Variants in TAC3 observed in about 807,000 individuals in gnomAD.
TAC3 encodes tachykinin precursor 3.
A neutral mutation model predicts 16.5 loss-of-function variants in TAC3; 9 were observed. The ratio of observed to expected loss-of-function variants is 0.55; its 90% CI spans 0.33 to 0.95. The LOEUF (loss-of-function observed/expected upper bound fraction) is 0.95, where lower values mean the gene tolerates loss of function less well. TAC3 is among the 40% of genes least tolerant of loss of function. The pLI, the probability that TAC3 is intolerant of heterozygous loss-of-function variation, is 0.03. For missense variants in TAC3, 129 were observed against 149.1 expected (o/e 0.87, Z 0.70); for synonymous variants, 52 against 56.7 (o/e 0.92, Z 0.37).
chr12:57,011,794 C>T (rs891389812), intron 6 of TAC3, among the ~76,000 whole-genome samples: 1 of 152,168 alleles, frequency 6.6e-6, no homozygotes, highest in African/African-American at 2.4e-5. Context: ...GTGGCAGATC[C>T]AGGATTCACA....
intron 5 of TAC3, 43 bp from the exon 6 acceptor site, chr12:57,012,495 A>G (rs1387320862): frequency 3.1e-6 from 5 of 1,611,162 alleles, no homozygotes; most frequent in Non-Finnish European, 4.2e-6. Context: ...ATCTTTCTGA[A>G]TGTGAACTAC....
At chr12:57,012,691 G>T (rs1247984300) in intron 5 of TAC3, 131 bp downstream of exon 5, 1 of 1,612,850 alleles carries the variant, frequency 6.2e-7, no homozygotes, top group Non-Finnish European at 8.5e-7. Flanking sequence ...TGGGATGAAG[G>T]GGCCGAGGAA....
Position 57,010,108 on chromosome 12 carries a change from T to C in TAC3, c.*182A>G, listed in dbSNP as rs926264926. On this transcript the variant is annotated 3_prime_UTR_variant, in exon 7 of 7. Transcript: ENST00000458521. ...ATTCTACAGTCAATGCCCATTGGGG[T>C]TGGGGATATTCACTATGCAGTTTCC... The C allele has an allele frequency of 2.0e-5, 9 of 453,806 alleles. No homozygotes were observed. In the Admixed American group the frequency reaches 2.1e-4, roughly 11 times the overall value. The allele number at this position is 453,806 out of a possible 1,614,324, so 28.1% of individuals were successfully genotyped here.
intron 6 of TAC3, 158 bp downstream of exon 6, chr12:57,012,220 G>A (rs1414391500): frequency 1.5e-6 from 1 of 687,576 alleles, no homozygotes; most frequent in Non-Finnish European, 2.6e-6. Flanking sequence ...GCCTCTAAGT[G>A]TCTTTGTGTT....
intron 5 of TAC3, 52 bp downstream of exon 5, chr12:57,012,770 C>T: frequency 6.2e-7 from 1 of 1,614,022 alleles, no homozygotes. Flanking sequence ...TGACTTCTGT[C>T]ATACTCTGCC....
chr12:57,012,282 G>T, intron 6 of TAC3, 96 bp downstream of exon 6: 2 of 1,183,066 alleles, frequency 1.7e-6, no homozygotes, highest in Non-Finnish European at 2.5e-6. Flanking sequence ...AAATCTATGA[G>T]CTTTAATACC....
chr12:57,013,820 A>C, intron 2 of TAC3, 149 bp from the exon 3 acceptor site: 1 of 717,956 alleles, frequency 1.4e-6, no homozygotes, highest in Non-Finnish European at 2.4e-6. Context: ...CTGGACGAGA[A>C]GTAGGTGCTC....
At chr12:57,011,989 T>C (rs1359794449) in intron 6 of TAC3, 4 of 266,524 alleles carry the variant, frequency 1.5e-5, no homozygotes, top group African/African-American at 8.9e-5. Flanking sequence ...GGGAGGCAAA[T>C]GCTTGCCTGT....
At chr12:57,011,799 T>G (rs1956301242) in intron 6 of TAC3, among the ~76,000 whole-genome samples, 1 of 152,180 alleles carries the variant, frequency 6.6e-6, no homozygotes, top group Non-Finnish European at 1.5e-5. Context: ...AGATCCAGGA[T>G]TCACATTCAG....
chr12:57,014,844 A>G (rs1184902577), intron 2 of TAC3, among the ~76,000 whole-genome samples: 7 of 152,076 alleles, frequency 4.6e-5, no homozygotes, highest in Admixed American at 4.6e-4. Context: ...TACTCTGCCC[A>G]CCTCCTATAA....
rs544300028 is a variant in TAC3, at chr12:57,015,926, C to A, written c.-5-124G>T. ...GACCCTGCTTCCCCAGCCCCCAACT[C>A]CACTGTCCAAGCCCTGGTCTGGAGA... On this transcript the variant is annotated intron_variant, in intron 1 of 6. Coordinates refer to ENST00000458521, the MANE Select transcript of TAC3 (RefSeq NM_013251.4). The A allele has an allele frequency of 1.5e-4, 120 of 775,522 alleles. 1 individual carries two copies. The highest frequency in any genetic ancestry group is 2.4e-4 in the Non-Finnish European group (110 of 452,812). The allele number at this position is 775,522 out of a possible 1,614,324, so 48.0% of individuals were successfully genotyped here. A position where few individuals can be genotyped will look rare whatever the true frequency, so the allele number is the denominator to read the frequency against.
intron 2 of TAC3, 56 bp from the exon 3 acceptor site, chr12:57,013,727 C>T: frequency 7.1e-7 from 1 of 1,401,588 alleles, no homozygotes; most frequent in Non-Finnish European, 1.0e-6. Flanking sequence ...ATCCACTCAT[C>T]CTTTTCCCAC....
At position 57,013,599 on chromosome 12, in the gene TAC3, C is replaced by G. The variant is rs773378963; in HGVS notation, c.187G>C (p.Ala63Pro). The change falls in exon 3 of 7, where the codon GCC (alanine) becomes CCC (proline). Residue 63 changes from alanine to proline, a missense_variant. Physicochemically the swap from Ala to Pro is conservative, Grantham distance 27. Coordinates refer to ENST00000458521, the MANE Select transcript of TAC3 (RefSeq NM_013251.4). ...SHSSLEGLLK[A>P]LSQASTDPKE... is the part of the protein sequence containing the mutation. ...CTACCTGTGCTAGCCTGGCTCAGGG[C>G]TTTGAGCAATCCCTCCAGAGATGAG... 2 of 1,613,512 alleles carry G rather than the reference C, an allele frequency of 1.2e-6. No homozygotes were observed. Among genetic ancestry groups the G allele is most frequent in the Non-Finnish European group, 8.5e-7 (1 of 1,179,950 alleles).
At position 57,012,300 on chromosome 12, in the gene TAC3, T is replaced by C. The variant is rs1005177934; in HGVS notation, c.*1+78A>G. On this transcript the variant is annotated intron_variant, in intron 6 of 6. Transcript: ENST00000458521. ...TCTATGAGCTTTAATACCTGTAGCA[T>C]GGGAGGAAATGCACAGCTGGCAACC... is the stretch of plus-strand genomic sequence containing the variant. 4 of 1,299,664 alleles carry C rather than the reference T, an allele frequency of 3.1e-6. No homozygotes were observed. The African/African-American group carries it at 4.4e-5, about 14-fold the overall frequency. The allele number at this position is 1,299,664 out of a possible 1,614,324, so 80.5% of individuals were successfully genotyped here.
At chr12:57,011,542 GC>G (rs977375262) in intron 6 of TAC3, among the ~76,000 whole-genome samples, 1 of 152,162 alleles carries the variant, frequency 6.6e-6, no homozygotes, top group African/African-American at 2.4e-5. Context: ...GCCCACTCAG[GC>G]CTGGGGTCCA....
intron 2 of TAC3, 49 bp from the exon 3 acceptor site, chr12:57,013,720 C>A: frequency 6.9e-7 from 1 of 1,447,302 alleles, no homozygotes; most frequent in East Asian, 2.3e-5. Context: ...CACCCGGATC[C>A]ACTCATCCTT....
Position 57,015,568 on chromosome 12 carries a change from G to A in TAC3, c.114+116C>T. The A allele has an allele frequency of 3.5e-6, 3 of 858,842 alleles. No homozygotes were observed. The South Asian group carries it at 4.1e-5, about 12-fold the overall frequency. 53.2% of individuals were successfully genotyped at this position (858,842 alleles called of 1,614,324 possible). A position where few individuals can be genotyped will look rare whatever the true frequency, so the allele number is the denominator to read the frequency against. ...GAGAAACAAAGAAATCCAAAGGGAG[G>A]CAAAATGCCCTCTGACGGACAACCC... On this transcript the variant is annotated intron_variant, in intron 2 of 6. Coordinates refer to ENST00000458521, the MANE Select transcript of TAC3 (RefSeq NM_013251.4).
chr12:57,013,656 A>G lies in TAC3; in HGVS notation c.130T>C (p.Tyr44His). The G allele has an allele frequency of 6.2e-7, 1 of 1,612,906 alleles. No individual in the cohort carries two copies. Among genetic ancestry groups the G allele is most frequent in the South Asian group, 1.1e-5 (1 of 90,568 alleles). ...GGRSKRDPDL[Y>H]QLLQRLFKSH... is the part of the protein sequence containing the mutation. ...TTGAAGAGTCTCTGGAGCAGCTGGT[A>G]GAGATCTGGATCCCTCTAGGGAAGA... The change falls in exon 3 of 7, where the codon TAC (tyrosine) becomes CAC (histidine). Residue 44 changes from tyrosine to histidine, a missense_variant. Tyr to His is a moderately conservative substitution (Grantham distance 83, BLOSUM62 2). Coordinates refer to ENST00000458521, the MANE Select transcript of TAC3 (RefSeq NM_013251.4).
chr12:57,013,764 C>T, intron 2 of TAC3, 93 bp from the exon 3 acceptor site: 1 of 1,048,896 alleles, frequency 9.5e-7, no homozygotes, highest in Admixed American at 2.0e-5. Flanking sequence ...CTGAGCCCAT[C>T]CTGAATCCGA....
Sources: gnomAD v4.1 joint callset for allele counts (sites outside exome capture counted in the v4.1 genomes callset) on GRCh38, gnomAD v4.1.1 for gene constraint, MANE v1.5 for transcripts, NCBI Gene and HGNC (gene_info 2026-07-23, HGNC 2026-07-21) for gene names.